The following CLASP1 variants were observed in gnomAD, a reference collection of about 807,000 sequenced individuals.
CLASP1 encodes cytoplasmic linker associated protein 1.
A neutral mutation model predicts 192.3 loss-of-function variants in CLASP1; 38 were observed. That is an observed-to-expected ratio of 0.20 (90% CI 0.15 to 0.26). The LOEUF (loss-of-function observed/expected upper bound fraction) is 0.26, where lower values mean the gene tolerates loss of function less well. CLASP1 is among the 10% of genes least tolerant of loss of function. The pLI, the probability that CLASP1 is intolerant of heterozygous loss-of-function variation, is 1.00. For missense variants in CLASP1, 1,433 were observed against 1,932.5 expected (o/e 0.74, Z 4.85); for synonymous variants, 691 against 712.8 (o/e 0.97, Z 0.49).
exon 2 of CLASP1, chr2:121,605,726 G>C (rs373752835): frequency 1.2e-6 from 2 of 1,613,888 alleles, no homozygotes; most frequent in Admixed American, 1.7e-5. Context: ...GTTCACCCAA[G>C]AGGTAGCAAG....
chr2:121,487,454 T>C (rs1201089346), intron 8 of CLASP1, among the ~76,000 whole-genome samples: 1 of 152,194 alleles, frequency 6.6e-6, no homozygotes, highest in Non-Finnish European at 1.5e-5. Context: ...CAGCATTCCT[T>C]AGTTTTTCCC....
At chr2:121,530,168 G>T in intron 3 of CLASP1, 79 bp downstream of exon 3, 6 of 1,281,208 alleles carry the variant, frequency 4.7e-6, no homozygotes, top group South Asian at 1.3e-5. Flanking sequence ...GCTGCCGGGA[G>T]GGTTTGGGAG....
intron 1 of CLASP1, among the ~76,000 whole-genome samples, chr2:121,620,387 G>A (rs1486085757): frequency 2.0e-5 from 3 of 151,826 alleles, no homozygotes; most frequent in Non-Finnish European, 4.4e-5. Context: ...GTCTCGTTCT[G>A]TTGCCAGGCT....
At chr2:121,519,763 T>A (rs1435064595) in intron 6 of CLASP1, among the ~76,000 whole-genome samples, 1 of 152,134 alleles carries the variant, frequency 6.6e-6, no homozygotes, top group African/African-American at 2.4e-5. Flanking sequence ...CATTTAGGGG[T>A]CTAAACTATT....
Position 121,610,572 on chromosome 2 carries a change from G to A in CLASP1, c.-285-4392C>T, listed in dbSNP as rs558175450. ...TGGAGGAGGAAGAGGAGTTACAGGA[G>A]GAAGAGGAACTGGAGAAGGAGGAGG... On this transcript the variant is annotated intron_variant, in intron 1 of 39. Transcript: ENST00000263710. Among the ~76,000 whole-genome samples the A allele has an allele frequency of 3.1e-3, 456 of 148,338 alleles. 2 individuals carry two copies. The highest frequency in any genetic ancestry group is 0.011 in the African/African-American group (439 of 39,542).
chr2:121,515,238 G>A (rs1296604676), intron 7 of CLASP1, among the ~76,000 whole-genome samples: 1 of 152,290 alleles, frequency 6.6e-6, no homozygotes, highest in East Asian at 1.9e-4. Flanking sequence ...TTTAAAACAT[G>A]ATTTCCAAAA....
At chr2:121,417,677 G>C (rs529412046) in intron 23 of CLASP1, among the ~76,000 whole-genome samples, 1 of 152,212 alleles carries the variant, frequency 6.6e-6, no homozygotes, top group African/African-American at 2.4e-5. Context: ...ATTTCATAAA[G>C]GACAATGGGT....
chr2:121,577,052 T>C (rs954120938), intron 2 of CLASP1, among the ~76,000 whole-genome samples: 1 of 152,130 alleles, frequency 6.6e-6, no homozygotes, highest in Non-Finnish European at 1.5e-5. Flanking sequence ...TTAAAATATT[T>C]ATAGGTAAAA....
chr2:121,367,944 G>T, intron 34 of CLASP1, 113 bp from the exon 36 acceptor site: 1 of 1,382,422 alleles, frequency 7.2e-7, no homozygotes, highest in Non-Finnish European at 9.8e-7. Context: ...TGTATGGCCA[G>T]TGACAAAAGG....
intron 2 of CLASP1, among the ~76,000 whole-genome samples, chr2:121,562,159 A>G (rs1200401212): frequency 2.6e-5 from 4 of 152,192 alleles, no homozygotes; most frequent in African/African-American, 9.7e-5. Flanking sequence ...CCTGGACAGC[A>G]AGTCTTCTTA....
intron 37 of CLASP1, among the ~76,000 whole-genome samples, chr2:121,360,579 TAAG>T (rs1412662746): frequency 3.2e-5 from 3 of 92,930 alleles, no homozygotes; most frequent in East Asian, 2.8e-4. Flanking sequence ...AAGAGGAAGA[TAAG>T]AAGAACTTCA....
At chr2:121,647,153 A>AAACCCT (rs2073328850) in intron 1 of CLASP1, among the ~76,000 whole-genome samples, 2 of 152,042 alleles carry the variant, frequency 1.3e-5, no homozygotes, top group Non-Finnish European at 2.9e-5. Context: ...TGATCACAGG[A>AAACCCT]GGTCAGGAGT....
intron 19 of CLASP1, among the ~76,000 whole-genome samples, chr2:121,446,202 T>C (rs2084315709): frequency 6.6e-6 from 1 of 152,226 alleles, no homozygotes; most frequent in African/African-American, 2.4e-5. Context: ...ATTAATAATG[T>C]TCCTATCACA....
chr2:121,370,329 T>C (rs564839291), intron 34 of CLASP1, among the ~76,000 whole-genome samples: 21 of 152,258 alleles, frequency 1.4e-4, no homozygotes, highest in African/African-American at 1.9e-4. Context: ...TTCGATTTTC[T>C]TTCTTTTTTT....
intron 19 of CLASP1, among the ~76,000 whole-genome samples, chr2:121,431,143 A>G (rs2081328499): frequency 6.6e-6 from 1 of 152,222 alleles, no homozygotes. Context: ...ACAGAGAAGT[A>G]ATGCAGGAAG....
rs543735257 is a variant in CLASP1, at chr2:121,368,286, C to T, written c.3643-455G>A. 2.0e-5 allele frequency among the ~76,000 whole-genome samples: 3 copies of T among 152,284 alleles called. No individual in the cohort carries two copies. The South Asian group carries it at 6.2e-4, about 32-fold the overall frequency. On this transcript the variant is annotated intron_variant, in intron 34 of 39. Transcript: ENST00000263710. ...GGTGTCATCCATCCCCAGATTAATT[C>T]CTTGTACTATATGTATTCCTGCCTA...
intron 1 of CLASP1, among the ~76,000 whole-genome samples, chr2:121,627,268 ATAAT>A (rs1481682553): frequency 2.0e-5 from 3 of 152,226 alleles, no homozygotes; most frequent in Non-Finnish European, 4.4e-5. Flanking sequence ...TTGTGAATCT[ATAAT>A]TATTTCACAA....
intron 2 of CLASP1, among the ~76,000 whole-genome samples, chr2:121,568,023 T>A (rs2059656376): frequency 6.6e-6 from 1 of 152,162 alleles, no homozygotes; most frequent in South Asian, 2.1e-4. Context: ...CAGAGAAAGA[T>A]CAAGGCTTTA....
intron 2 of CLASP1, among the ~76,000 whole-genome samples, chr2:121,596,342 A>G (rs1217418349): frequency 1.3e-5 from 2 of 152,246 alleles, no homozygotes; most frequent in African/African-American, 4.8e-5. Context: ...AAAAATGGAC[A>G]GTCTCTGAAA....
Sources: allele counts gnomAD v4.1 joint callset (sites outside exome capture counted in the v4.1 genomes callset), GRCh38; gene constraint gnomAD v4.1.1; transcripts MANE v1.5; gene names NCBI Gene and HGNC (gene_info 2026-07-23, HGNC 2026-07-21).